Variants in XPC observed in about 807,000 individuals in gnomAD.
XPC encodes the protein DNA repair protein complementing XP-C cells.
A neutral mutation model predicts 95.8 loss-of-function variants in XPC; 76 were observed. That is an observed-to-expected ratio of 0.79 (90% confidence interval 0.66 to 0.96). XPC has a LOEUF of 0.96. Ranked by LOEUF, XPC falls within the 40% of genes least tolerant of loss-of-function variation. XPC has a pLI of 0.00. For synonymous variants in XPC, 442 were observed against 442.1 expected, an observed-to-expected ratio of 1.00 and a Z score of 0.00; for missense variants, 1,146 against 1,179.8, an observed-to-expected ratio of 0.97 and a Z score of 0.42.
chr3:14,151,236 T>C (rs1038748098), intron 11 of XPC: 2 of 152,186 alleles, frequency 1.3e-5, no homozygotes, highest in African/African-American at 4.8e-5. Flanking sequence ...TAGAGAGACT[T>C]AGGAACAAAA....
chr3:14,161,149 G>A (rs1696152013), intron 7 of XPC, among the ~76,000 whole-genome samples: 1 of 152,086 alleles, frequency 6.6e-6, no homozygotes, highest in African/African-American at 2.4e-5. Context: ...AAGAAGTAAT[G>A]GAAAATCTGA....
At chr3:14,168,678 C>A (rs1293381702) in intron 3 of XPC, among the ~76,000 whole-genome samples, 4 of 151,828 alleles carry the variant, frequency 2.6e-5, no homozygotes, top group African/African-American at 9.7e-5. Flanking sequence ...TATCAAAAAG[C>A]TGACACTCAT....
At position 14,155,496 on chromosome 3, in the gene XPC, C is replaced by CT. The variant is rs369751068; in HGVS notation, c.2033+838dup. On this transcript the variant is annotated intron_variant, in intron 10 of 15. Transcript: ENST00000285021. ...ATTCATTTTTTGCTCTTATTCCACTCTTTTTTTAGCTATTTCTTTTTACTG... is the reference window on the plus strand; with the variant it reads ...ATTCATTTTTTGCTCTTATTCCACTCTTTTTTTTAGCTATTTCTTTTTACTG... Among the ~76,000 whole-genome samples the CT allele has an allele frequency of 7.2e-3, 1,088 of 152,014 alleles. 18 individuals are homozygous for CT. The highest frequency in any genetic ancestry group is 0.024 in the African/African-American group (985 of 41,474).
At chr3:14,170,977 C>A (rs1378450031) in intron 2 of XPC, among the ~76,000 whole-genome samples, 1 of 152,182 alleles carries the variant, frequency 6.6e-6, no homozygotes, top group Non-Finnish European at 1.5e-5. Flanking sequence ...TCTTTTCCAT[C>A]TTTAAGAAAT....
chr3:14,151,282 T>G (rs1695678981), intron 11 of XPC: 1 of 152,232 alleles, frequency 6.6e-6, no homozygotes, highest in Non-Finnish European at 1.5e-5. Flanking sequence ...TTAAAATATT[T>G]CTTACTGCTG....
chr3:14,149,089 C>CT lies in XPC; in HGVS notation c.2116-142dup, dbSNP rs111520695. 51,474 of 950,608 alleles carry CT rather than the reference C, an allele frequency of 0.054. 21 individuals are homozygous for CT. The highest frequency in any genetic ancestry group is 0.065 in the South Asian group (3,455 of 52,894). 58.9% of individuals were successfully genotyped at this position (950,608 alleles called of 1,614,324 possible). A position where few individuals can be genotyped will look rare whatever the true frequency, so the allele number is the denominator to read the frequency against. On this transcript the variant is annotated intron_variant, in intron 11 of 15. Coordinates refer to ENST00000285021, the MANE Select transcript of XPC (RefSeq NM_004628.5). ...CTACCAGCTGGGGTGCTTTTTCTCC[C>CT]TTTTTTTTTTTTGAGACAGAGTCTC...
intron 7 of XPC, among the ~76,000 whole-genome samples, chr3:14,160,851 G>C (rs1299682173): frequency 6.6e-6 from 1 of 152,196 alleles, no homozygotes; most frequent in African/African-American, 2.4e-5. Context: ...TTCACCACTA[G>C]CTGAGTGACT....
At chr3:14,163,308 T>C (rs930890500) in intron 7 of XPC, among the ~76,000 whole-genome samples, 14 of 152,158 alleles carry the variant, frequency 9.2e-5, no homozygotes, top group African/African-American at 3.1e-4. Context: ...GTATAGACAT[T>C]ATTAACAACA....
At chr3:14,149,072 TG>T in intron 11 of XPC, 124 bp from the exon 12 acceptor site, 1 of 1,387,486 alleles carries the variant, frequency 7.2e-7, no homozygotes, top group East Asian at 2.3e-5. Flanking sequence ...ACCTACCAGC[TG>T]GGGTGCTTTT....
rs775931529 is a variant in XPC, at chr3:14,158,732, T to A, written c.1151A>T (p.Lys384Met). 2 of 1,613,888 alleles carry A rather than the reference T, an allele frequency of 1.2e-6. No individual in the cohort carries two copies. The highest frequency in any genetic ancestry group is 1.7e-5 in the Admixed American group (1 of 60,016). Reference protein sequence around the residue: ...KGTCRPSAKGKRNKGGRKKRS... With the variant: ...KGTCRPSAKGMRNKGGRKKRS... The stretch of plus-strand genomic sequence containing the variant: ...TTTCTTTCTGCCTCCCTTGTTCCTC[T>A]TCCCTTTGGCACTTGGCCTGCAGGT... The change falls in exon 9 of 16, where the codon AAG (lysine) becomes ATG (methionine). Residue 384 changes from lysine (K) to methionine (M), a missense_variant. Lys to Met is a moderately conservative substitution (Grantham distance 95, BLOSUM62 -1). Transcript: ENST00000285021. This position sits in a 1 kb window ranked among gnomAD's most constrained non-coding sequence, Gnocchi z 5.2.
intron 4 of XPC, 115 bp from the exon 5 acceptor site, chr3:14,167,368 C>T (rs1696426828): frequency 5.3e-6 from 5 of 948,930 alleles, no homozygotes; most frequent in South Asian, 1.7e-5. Context: ...TGTTTCCCTA[C>T]ACAAGGCTGT....
chr3:14,173,288 T>C (rs1696688754), intron 1 of XPC, among the ~76,000 whole-genome samples: 2 of 152,208 alleles, frequency 1.3e-5, no homozygotes, highest in Admixed American at 1.3e-4. Flanking sequence ...ACTTTACTTC[T>C]CCTATGACTA....
intron 15 of XPC, among the ~76,000 whole-genome samples, chr3:14,146,780 C>T (rs1695455989): frequency 1.3e-5 from 2 of 152,214 alleles, no homozygotes; most frequent in South Asian, 4.1e-4. Context: ...TGACACAGCA[C>T]TGACTATACC....
Position 14,151,038 on chromosome 3 carries a change from G to A in XPC, c.2115+1297C>T, listed in dbSNP as rs562883808. ...GATTCAGGCTGGGAAGGAGGCTGTG[G>A]CTGTTGCCCAAGCAAAAGATACTGA... On this transcript the variant is annotated intron_variant, in intron 11 of 15. Transcript: ENST00000285021. 2.0e-5 allele frequency among the ~76,000 whole-genome samples: 3 copies of A among 152,250 alleles called. No individual in the cohort carries two copies. In the East Asian group the frequency reaches 5.8e-4, roughly 29 times the overall value.
Position 14,145,601 on chromosome 3 carries a change from A to G in XPC, c.*340T>C, listed in dbSNP as rs1215229191. On this transcript the variant is annotated 3_prime_UTR_variant, in exon 16 of 16. Coordinates refer to ENST00000285021, the MANE Select transcript of XPC (RefSeq NM_004628.5). ...GAAATCTCCCGGTGGCTTCCATACA[A>G]AAACTGATGTTTCTAAAGATGGAAA... is the stretch of plus-strand genomic sequence containing the variant. The G allele has an allele frequency of 1.4e-6, 1 of 699,558 alleles. No individual in the cohort carries two copies. Among genetic ancestry groups the G allele is most frequent in the Admixed American group, 2.0e-5 (1 of 50,008 alleles). 43.3% of individuals were successfully genotyped at this position (699,558 alleles called of 1,614,324 possible). A position where few individuals can be genotyped will look rare whatever the true frequency, so the allele number is the denominator to read the frequency against.
chr3:14,146,464 G>A (rs117070676), intron 15 of XPC, among the ~76,000 whole-genome samples: 5 of 152,254 alleles, frequency 3.3e-5, no homozygotes, highest in East Asian at 3.9e-4. Context: ...CCTGTGATTC[G>A]TGCCTTGCAT....
rs775434937 is a variant in XPC at position 14,146,178 on chromosome 3, T to C, written c.2605-19A>G. 1.3e-6 allele frequency: 2 copies of C among 1,592,980 alleles called. No homozygotes were observed. Among genetic ancestry groups the C allele is most frequent in the Non-Finnish European group, 1.7e-6 (2 of 1,171,414 alleles). ...CCTCACTCTGGACAGGTGGCAGTGG[T>C]GGGAGGACACAGGCGAGGGTTAGTA... On this transcript the variant is annotated intron_variant, in intron 15 of 15. Coordinates refer to ENST00000285021, the MANE Select transcript of XPC (RefSeq NM_004628.5).
In XPC at chr3:14,170,450, C is replaced by G. The variant is rs1307180641; in HGVS notation, c.400G>C (p.Glu134Gln). ...EEEEESENDW[E>Q]EVEELSEPVL... The stretch of plus-strand genomic sequence containing the variant: ...AAAGATGTTTCACCTTCAACCTCTT[C>G]CCAATCATTTTCACTTTCTTCCTCT... Residue 134 changes from glutamate (E) to glutamine (Q), a missense_variant, in exon 3 of 16, where the codon GAA (glutamate) becomes CAA (glutamine). Physicochemically the swap from Glu to Gln is conservative, Grantham distance 29. Coordinates refer to ENST00000285021, the MANE Select transcript of XPC (RefSeq NM_004628.5). The G allele has an allele frequency of 6.2e-7, 1 of 1,613,472 alleles. No individual in the cohort carries two copies. The highest frequency in any genetic ancestry group is 8.5e-7 in the Non-Finnish European group (1 of 1,179,574).
intron 10 of XPC, among the ~76,000 whole-genome samples, chr3:14,155,403 C>T (rs1211977008): frequency 2.6e-5 from 4 of 151,962 alleles, no homozygotes; most frequent in African/African-American, 9.7e-5. Context: ...CTCAAAATTC[C>T]TGTTTCTATT....
Sources: allele counts gnomAD v4.1 joint callset (sites outside exome capture counted in the v4.1 genomes callset), GRCh38; gene constraint gnomAD v4.1.1; non-coding constraint Gnocchi (gnomAD v3.1); transcripts MANE v1.5; gene names NCBI Gene and HGNC (gene_info 2026-07-23, HGNC 2026-07-21).